The following CCDC85A variants were observed in gnomAD, a reference collection of about 807,000 sequenced individuals.
CCDC85A encodes coiled-coil domain-containing protein 85A.
CCDC85A carries 38 observed loss-of-function variants against 50.2 expected under a neutral mutation model. The ratio of observed to expected loss-of-function variants is 0.76; its 90% CI spans 0.58 to 0.99. The LOEUF is 0.99. Ranked by LOEUF, CCDC85A falls within the 50% of genes least tolerant of loss-of-function variation. The probability of loss-of-function intolerance (pLI) is 0.00; values close to 1 mark genes in which losing one functional copy is unlikely to be tolerated. For missense variants in CCDC85A, 820 were observed against 742.0 expected (o/e 1.11, Z -1.22); for synonymous variants, 366 against 301.4 (o/e 1.21, Z -2.22).
At chr2:56,249,584 C>G (rs1004863929) in intron 2 of CCDC85A, among the ~76,000 whole-genome samples, 5 of 152,218 alleles carry the variant, frequency 3.3e-5, no homozygotes, top group Non-Finnish European at 7.3e-5. Flanking sequence ...GATCAGCTGC[C>G]TTTGCGTATG....
chr2:56,331,254 G>C (rs1244294856), intron 2 of CCDC85A, among the ~76,000 whole-genome samples: 1 of 152,098 alleles, frequency 6.6e-6, no homozygotes, highest in Non-Finnish European at 1.5e-5. Context: ...GAGGGGATGA[G>C]TGATAAGAAG....
Position 56,292,432 on chromosome 2 carries a change from A to G in CCDC85A, c.1241-50447A>G, listed in dbSNP as rs78278441. Reference sequence around the variant, plus strand: ...TGATAAAGGATACACATTTTCTCCTATTTCCTTTTGGTCCAGACCTTTTAG... The same window carrying G: ...TGATAAAGGATACACATTTTCTCCTGTTTCCTTTTGGTCCAGACCTTTTAG... On this transcript the variant is annotated intron_variant, in intron 2 of 5. Coordinates refer to ENST00000407595, the MANE Select transcript of CCDC85A (RefSeq NM_001080433.2). 8.4e-4 allele frequency among the ~76,000 whole-genome samples: 128 copies of G among 152,148 alleles called. 1 individual carries two copies. The East Asian group carries it at 0.015, about 18-fold the overall frequency.
rs148504251 is a variant in CCDC85A, at chr2:56,327,383, G to C, written c.1241-15496G>C. ...TAAAAGGGAACACTTCCAACCTAGA[G>C]CTGTTTGAACTGGTAAAATCCCTTC... On this transcript the variant is annotated intron_variant, in intron 2 of 5. Transcript: ENST00000407595. Among the ~76,000 whole-genome samples the C allele has an allele frequency of 3.6e-4, 55 of 152,164 alleles. No individual in the cohort carries two copies. In the East Asian group the frequency reaches 6.2e-3, roughly 17 times the overall value.
intron 2 of CCDC85A, among the ~76,000 whole-genome samples, chr2:56,276,724 C>G (rs767440609): frequency 2.0e-5 from 3 of 152,148 alleles, no homozygotes; most frequent in Non-Finnish European, 4.4e-5. Context: ...TGAAAATGGA[C>G]TAATACAGTG....
intron 2 of CCDC85A, among the ~76,000 whole-genome samples, chr2:56,341,411 G>C (rs1674363575): frequency 1.3e-5 from 2 of 152,038 alleles, no homozygotes; most frequent in Non-Finnish European, 2.9e-5. Context: ...TGGGCTTGCG[G>C]GGAGCCCTCT....
chr2:56,385,232 A>G lies in CCDC85A; in HGVS notation c.*877A>G, dbSNP rs1231909528. ...AATTTCTACAATTTAGTTTCTAGAC[A>G]TGCTGTATATTTAATAAACTTTATG... On this transcript the variant is annotated 3_prime_UTR_variant, in exon 6 of 6. Coordinates refer to ENST00000407595, the MANE Select transcript of CCDC85A (RefSeq NM_001080433.2). The G allele has an allele frequency of 6.6e-6, 1 of 152,266 alleles. No homozygotes were observed. The highest frequency in any genetic ancestry group is 2.4e-5 in the African/African-American group (1 of 41,404). 9.4% of individuals were successfully genotyped at this position (152,266 alleles called of 1,614,324 possible). A position where few individuals can be genotyped will look rare whatever the true frequency, so the allele number is the denominator to read the frequency against.
Position 56,337,868 on chromosome 2 carries a change from T to A in CCDC85A, c.1241-5011T>A, listed in dbSNP as rs1674153926. Among the ~76,000 whole-genome samples the A allele has an allele frequency of 2.0e-5, 3 of 151,196 alleles. No homozygotes were observed. The South Asian group carries it at 6.3e-4, about 32-fold the overall frequency. Reference sequence around the variant, plus strand: ...GGCACGATCTCCGCTCACTGCAACCTCCGCCTCCCGGGTTCAAGCGATTCT... The same window carrying A: ...GGCACGATCTCCGCTCACTGCAACCACCGCCTCCCGGGTTCAAGCGATTCT... On this transcript the variant is annotated intron_variant, in intron 2 of 5. Transcript: ENST00000407595.
Position 56,235,896 on chromosome 2 carries a change from T to C in CCDC85A, c.1240+42456T>C, listed in dbSNP as rs1395195841. On this transcript the variant is annotated intron_variant, in intron 2 of 5. Coordinates refer to ENST00000407595, the MANE Select transcript of CCDC85A (RefSeq NM_001080433.2). ...AGACAGATTCTCTTCTCTTTCAGGC[T>C]AAGAGAATTCCTGGTAGAGGATATG... 3.9e-5 allele frequency among the ~76,000 whole-genome samples: 6 copies of C among 152,194 alleles called. No individual in the cohort carries two copies. The East Asian group carries it at 7.7e-4, about 20-fold the overall frequency.
At chr2:56,312,774 C>A (rs190421231) in intron 2 of CCDC85A, among the ~76,000 whole-genome samples, 1 of 152,022 alleles carries the variant, frequency 6.6e-6, no homozygotes, top group African/African-American at 2.4e-5. Flanking sequence ...TTTTAACATT[C>A]GTTTATTTGG....
At chr2:56,333,463 C>T (rs758355484) in intron 2 of CCDC85A, among the ~76,000 whole-genome samples, 5 of 152,164 alleles carry the variant, frequency 3.3e-5, no homozygotes, top group Non-Finnish European at 5.9e-5. Flanking sequence ...ACAGTCAGAT[C>T]ACACAGGGCC....
chr2:56,310,011 T>G (rs1171515694), intron 2 of CCDC85A, among the ~76,000 whole-genome samples: 1 of 152,206 alleles, frequency 6.6e-6, no homozygotes, highest in Non-Finnish European at 1.5e-5. Context: ...AGTCACACTA[T>G]TCACACCATC....
At chr2:56,373,269 T>C (rs1676170518) in intron 4 of CCDC85A, among the ~76,000 whole-genome samples, 1 of 152,094 alleles carries the variant, frequency 6.6e-6, no homozygotes, top group African/African-American at 2.4e-5. Context: ...CTCCCAAAGC[T>C]AGTTTGAAGT....
rs187741456 is a variant in CCDC85A at position 56,279,018 on chromosome 2, T to C, written c.1241-63861T>C. ...AACTACTGCCAAGGATCAACATTCT[T>C]GAGGTGGCCCAAGGCCAGCTGTGAT... On this transcript the variant is annotated intron_variant, in intron 2 of 5. Coordinates refer to ENST00000407595, the MANE Select transcript of CCDC85A (RefSeq NM_001080433.2). 3.1e-3 allele frequency among the ~76,000 whole-genome samples: 470 copies of C among 152,354 alleles called. 1 individual carries two copies. Among genetic ancestry groups the C allele is most frequent in the Middle Eastern group, 6.8e-3 (2 of 294 alleles).
chr2:56,333,700 T>C (rs1342887881), intron 2 of CCDC85A, among the ~76,000 whole-genome samples: 2 of 152,092 alleles, frequency 1.3e-5, no homozygotes, highest in South Asian at 2.1e-4. Flanking sequence ...ATTCTCAAGA[T>C]ATTTTGGAGG....
At chr2:56,260,189 G>T (rs944043344) in intron 2 of CCDC85A, among the ~76,000 whole-genome samples, 22 of 152,194 alleles carry the variant, frequency 1.4e-4, no homozygotes, top group African/African-American at 5.1e-4. Flanking sequence ...TGCACAGATA[G>T]TGTGGGACCA....
At chr2:56,212,573 T>C (rs899433526) in intron 2 of CCDC85A, among the ~76,000 whole-genome samples, 2 of 152,068 alleles carry the variant, frequency 1.3e-5, no homozygotes, top group African/African-American at 4.8e-5. Context: ...AAGAGCTTTA[T>C]CTAAAATTTA....
At chr2:56,209,980 G>C (rs1057062573) in intron 2 of CCDC85A, among the ~76,000 whole-genome samples, 1 of 152,020 alleles carries the variant, frequency 6.6e-6, no homozygotes, top group African/African-American at 2.4e-5. Context: ...ACCCATTAGA[G>C]ATACAGAACT....
chr2:56,356,562 C>T (rs1174263801), intron 3 of CCDC85A, among the ~76,000 whole-genome samples: 1 of 151,982 alleles, frequency 6.6e-6, no homozygotes, highest in Non-Finnish European at 1.5e-5. Context: ...GGTGAAACCC[C>T]ATCTCTACTA....
chr2:56,299,327 A>C (rs1249453370), intron 2 of CCDC85A, among the ~76,000 whole-genome samples: 1 of 152,146 alleles, frequency 6.6e-6, no homozygotes, highest in Non-Finnish European at 1.5e-5. Flanking sequence ...TGGCTGTACT[A>C]AGTTTAGAGT....
Sources: gnomAD v4.1 joint callset for allele counts (sites outside exome capture counted in the v4.1 genomes callset) on GRCh38, gnomAD v4.1.1 for gene constraint, MANE v1.5 for transcripts, NCBI Gene and HGNC (gene_info 2026-07-23, HGNC 2026-07-21) for gene names.